CADPS: variants seen among roughly 807,000 people sequenced by gnomAD.
CADPS encodes calcium-dependent secretion activator 1.
In CADPS, 57 loss-of-function variants were observed where a neutral mutation model predicts 167.3. That is an observed-to-expected ratio of 0.34 (90% CI 0.28 to 0.42). CADPS has a LOEUF of 0.42. CADPS is among the 20% of genes least tolerant of loss of function. CADPS has a pLI of 1.00. For missense variants in CADPS, 1,414 were observed against 1,738.1 expected, an observed-to-expected ratio of 0.81 and a Z score of 3.32; for synonymous variants, 676 against 635.3, an observed-to-expected ratio of 1.06 and a Z score of -0.96.
At chr3:62,441,139 C>G (rs1281505801) in intron 27 of CADPS, 2 of 152,198 alleles carry the variant, frequency 1.3e-5, no homozygotes, top group East Asian at 3.8e-4. Context: ...TTAAATTATG[C>G]TTTTATATCA....
intron 28 of CADPS, among the ~76,000 whole-genome samples, chr3:62,410,817 G>C (rs1575640083): frequency 6.6e-6 from 1 of 152,128 alleles, no homozygotes; most frequent in Admixed American, 6.6e-5. Context: ...TTTCTGAGCA[G>C]CAGGCCAAGC....
chr3:62,666,585 CAAAT>C (rs760906857), intron 3 of CADPS, among the ~76,000 whole-genome samples: 2 of 152,092 alleles, frequency 1.3e-5, no homozygotes, highest in African/African-American at 2.4e-5. Context: ...CCTAATTAGA[CAAAT>C]AATCTTCCTA....
intron 6 of CADPS, among the ~76,000 whole-genome samples, chr3:62,631,815 C>A (rs1276292324): frequency 6.6e-6 from 1 of 152,122 alleles, no homozygotes; most frequent in Non-Finnish European, 1.5e-5. Context: ...TCTGAGGCTG[C>A]AAGAGAGAGA....
intron 3 of CADPS, among the ~76,000 whole-genome samples, chr3:62,724,748 C>T (rs1192692792): frequency 1.3e-5 from 2 of 152,222 alleles, no homozygotes; most frequent in African/African-American, 4.8e-5. Context: ...CCTCATTTCC[C>T]CAACTCATAT....
At position 62,491,558 on chromosome 3, in the gene CADPS, A is replaced by AACACACAC. The variant is rs35911391; in HGVS notation, c.2885-86_2885-79dup. On this transcript the variant is annotated intron_variant, in intron 20 of 29. Transcript: ENST00000383710. ...TACAACACACACACACACACACACAAACACACACACACACACACACACACA... is the reference window on the plus strand; with the variant it reads ...TACAACACACACACACACACACACAAACACACACACACACACACACACACACACACACA... 7.6e-3 allele frequency: 3,999 copies of AACACACAC among 526,284 alleles called. 19 individuals are homozygous for AACACACAC. Among genetic ancestry groups the AACACACAC allele is most frequent in the Middle Eastern group, 9.4e-3 (19 of 2,016 alleles). 32.6% of individuals were successfully genotyped at this position (526,284 alleles called of 1,614,324 possible).
rs932202959 is a variant in CADPS at position 62,465,809 on chromosome 3, C to T, written c.3553-359G>A. Among the ~76,000 whole-genome samples, 4 of 152,226 alleles carry T rather than the reference C, an allele frequency of 2.6e-5. No individual in the cohort carries two copies. The highest frequency in any genetic ancestry group is 2.0e-4 in the Admixed American group (3 of 15,282). ...ATATTAGCACTACATTTAATCCAATCTATTTTTATTTGTATTTTATCAGTA... is the reference window on the plus strand; with the variant it reads ...ATATTAGCACTACATTTAATCCAATTTATTTTTATTTGTATTTTATCAGTA... On this transcript the variant is annotated intron_variant, in intron 25 of 29. Coordinates refer to ENST00000383710, the MANE Select transcript of CADPS (RefSeq NM_003716.4). This position sits in a 1 kb window ranked among gnomAD's most constrained non-coding sequence, Gnocchi z 4.1.
intron 13 of CADPS, among the ~76,000 whole-genome samples, chr3:62,532,520 C>T (rs2073910907): frequency 6.6e-6 from 1 of 152,038 alleles, no homozygotes; most frequent in African/African-American, 2.4e-5. Context: ...TCTCAACAAC[C>T]CCAGGGGTAT....
rs55675562 is a variant in CADPS at position 62,438,610 on chromosome 3, C to T, written c.3670-399G>A. 0.02 allele frequency: 3,187 copies of T among 161,942 alleles called. 110 individuals are homozygous for T. Among genetic ancestry groups the T allele is most frequent in the African/African-American group, 0.071 (2,954 of 41,548 alleles). 10.0% of individuals were successfully genotyped at this position (161,942 alleles called of 1,614,324 possible). A position where few individuals can be genotyped will look rare whatever the true frequency, so the allele number is the denominator to read the frequency against. On this transcript the variant is annotated intron_variant, in intron 27 of 29. Coordinates refer to ENST00000383710, the MANE Select transcript of CADPS (RefSeq NM_003716.4). This position sits in a 1 kb window ranked among gnomAD's most constrained non-coding sequence, Gnocchi z 4.7. ...CCACTGTCCTTAATATATTATCAGACGGGTGATGGAACTTCCCATTCCTTT... is the reference window on the plus strand; with the variant it reads ...CCACTGTCCTTAATATATTATCAGATGGGTGATGGAACTTCCCATTCCTTT...
chr3:62,799,679 T>A (rs1170175192), intron 1 of CADPS, among the ~76,000 whole-genome samples: 1 of 152,120 alleles, frequency 6.6e-6, no homozygotes, highest in African/African-American at 2.4e-5. Flanking sequence ...TTTTAATGTA[T>A]AAGTGTAGAC....
intron 6 of CADPS, among the ~76,000 whole-genome samples, chr3:62,637,822 T>C (rs866274667): frequency 6.6e-6 from 1 of 152,108 alleles, no homozygotes. Flanking sequence ...GATTTCAATA[T>C]TTCCATTAGT....
intron 17 of CADPS, among the ~76,000 whole-genome samples, chr3:62,501,163 C>A (rs1025066865): frequency 1.3e-5 from 2 of 152,160 alleles, no homozygotes; most frequent in African/African-American, 4.8e-5. Context: ...AGAGAACAAC[C>A]AACACTCAGA....
Position 62,557,419 on chromosome 3 carries a change from G to C in CADPS, c.1739C>G (p.Thr580Ser). ...TCGGTGGGTACCTGGCTGGGGGTCG[G>C]TGTAATCCACAGTGTAGCCATCCAA... ...LQLDGYTVDY[T>S]DPQPGLEGGR... The change falls in exon 10 of 30, where the codon ACC becomes AGC. Residue 580 changes from threonine to serine, a missense_variant. Coordinates refer to ENST00000383710, the MANE Select transcript of CADPS (RefSeq NM_003716.4). 6.2e-7 allele frequency: 1 copy of C among 1,613,308 alleles called. No individual in the cohort carries two copies. Among genetic ancestry groups the C allele is most frequent in the Non-Finnish European group, 8.5e-7 (1 of 1,179,262 alleles).
intron 3 of CADPS, among the ~76,000 whole-genome samples, chr3:62,681,099 G>C (rs934706982): frequency 6.6e-6 from 1 of 151,958 alleles, no homozygotes; most frequent in African/African-American, 2.4e-5. Context: ...TCTTGGCTGG[G>C]AACACATCTG....
intron 18 of CADPS, among the ~76,000 whole-genome samples, chr3:62,493,925 A>G (rs866131626): frequency 5.9e-5 from 9 of 152,234 alleles, no homozygotes; most frequent in Admixed American, 5.2e-4. Flanking sequence ...TTAAGTTTAC[A>G]TTAGTTATTA....
chr3:62,653,587 C>T (rs112107074), intron 4 of CADPS, among the ~76,000 whole-genome samples: 52 of 152,130 alleles, frequency 3.4e-4, no homozygotes, highest in African/African-American at 1.2e-3. Context: ...GATTCAGGAC[C>T]ATATCTATCT....
chr3:62,684,985 T>A (rs1205167326), intron 3 of CADPS, among the ~76,000 whole-genome samples: 1 of 151,984 alleles, frequency 6.6e-6, no homozygotes, highest in Non-Finnish European at 1.5e-5. Context: ...CAGCTCATTT[T>A]GAGGGAAACT....
intron 20 of CADPS, 52 bp from the exon 21 acceptor site, chr3:62,491,532 G>C: frequency 7.8e-7 from 1 of 1,280,746 alleles, no homozygotes; most frequent in African/African-American, 1.8e-5. Flanking sequence ...CTTTATCAAC[G>C]TACAACACAC....
At chr3:62,871,620 T>G (rs2082646233) in intron 1 of CADPS, among the ~76,000 whole-genome samples, 1 of 152,118 alleles carries the variant, frequency 6.6e-6, no homozygotes, top group Non-Finnish European at 1.5e-5. Context: ...ATAACAAAAT[T>G]TCCAAGTCTC....
intron 6 of CADPS, among the ~76,000 whole-genome samples, chr3:62,614,904 A>G (rs1229434653): frequency 6.6e-6 from 1 of 152,168 alleles, no homozygotes; most frequent in Non-Finnish European, 1.5e-5. Flanking sequence ...ATGGGAACAT[A>G]ACATATGTGT....
Sources: allele counts gnomAD v4.1 joint callset (sites outside exome capture counted in the v4.1 genomes callset), GRCh38; gene constraint gnomAD v4.1.1; non-coding constraint Gnocchi (gnomAD v3.1); transcripts MANE v1.5; gene names NCBI Gene and HGNC (gene_info 2026-07-23, HGNC 2026-07-21).